Variants in AGBL4 observed in about 807,000 individuals in gnomAD.
AGBL4 encodes cytosolic carboxypeptidase 6.
In AGBL4, 58 loss-of-function variants were observed where a neutral mutation model predicts 66.4. That is an observed-to-expected ratio of 0.87 (90% CI 0.71 to 1.09). AGBL4 has a LOEUF of 1.09. AGBL4 is among the 50% of genes least tolerant of loss of function. The pLI, the probability that AGBL4 is intolerant of heterozygous loss-of-function variation, is 0.00. For synonymous variants in AGBL4, 234 were observed against 222.9 expected (o/e 1.05, Z -0.44); for missense variants, 579 against 631.0 (o/e 0.92, Z 0.88).
intron 2 of AGBL4, among the ~76,000 whole-genome samples, chr1:49,709,987 T>G (rs1647518764): frequency 1.3e-5 from 2 of 152,188 alleles, no homozygotes; most frequent in African/African-American, 2.4e-5. Flanking sequence ...TTTACACTGT[T>G]GGTGGGAGTG....
intron 11 of AGBL4, among the ~76,000 whole-genome samples, chr1:48,574,301 C>T (rs921288117): frequency 4.6e-5 from 7 of 152,086 alleles, no homozygotes; most frequent in South Asian, 2.1e-4. Context: ...GCTTAGGATA[C>T]GAACACAGAG....
intron 6 of AGBL4, among the ~76,000 whole-genome samples, chr1:48,750,433 A>G (rs1424976799): frequency 6.6e-6 from 1 of 152,150 alleles, no homozygotes; most frequent in East Asian, 1.9e-4. Flanking sequence ...TGCCTGAGAT[A>G]GTTCCTTAAC....
At chr1:49,554,390 G>A (rs1221068786) in intron 3 of AGBL4, among the ~76,000 whole-genome samples, 1 of 151,914 alleles carries the variant, frequency 6.6e-6, no homozygotes, top group African/African-American at 2.4e-5. Context: ...TTTTTATACT[G>A]AGCACAGATA....
At chr1:49,735,334 T>TAG (rs1553254326) in intron 2 of AGBL4, among the ~76,000 whole-genome samples, 10 of 138,986 alleles carry the variant, frequency 7.2e-5, no homozygotes, top group Admixed American at 1.5e-4. Flanking sequence ...TGTGTGTGTG[T>TAG]AGAGAGAGAG....
chr1:49,230,575 T>G (rs1650235605), intron 4 of AGBL4, among the ~76,000 whole-genome samples: 1 of 152,214 alleles, frequency 6.6e-6, no homozygotes, highest in Admixed American at 6.5e-5. Flanking sequence ...TGGCTTTATC[T>G]TCCTCAATTC....
intron 3 of AGBL4, among the ~76,000 whole-genome samples, chr1:49,683,735 C>T (rs1372677652): frequency 6.6e-6 from 1 of 152,030 alleles, no homozygotes; most frequent in Non-Finnish European, 1.5e-5. Flanking sequence ...AATGAGGAAA[C>T]GACATGAATA....
At chr1:49,831,095 T>A (rs932724558) in intron 2 of AGBL4, among the ~76,000 whole-genome samples, 1 of 152,234 alleles carries the variant, frequency 6.6e-6, no homozygotes, top group African/African-American at 2.4e-5. Flanking sequence ...ATGCAGACTT[T>A]TTTTTGGTTC....
rs376132991 is a variant in AGBL4, at chr1:48,758,967, A to G, written c.635-95726T>C. The G allele has an allele frequency of 3.1e-6, 5 of 1,606,638 alleles. No homozygotes were observed. The African/African-American group carries it at 6.7e-5, about 22-fold the overall frequency. ...TAAGGTCACGGAGCTCCTTCATTTC[A>G]GACACAAGTGCCCCGTACTCCTTGA... On this transcript the variant is annotated intron_variant, in intron 6 of 13. Coordinates refer to ENST00000371839, the MANE Select transcript of AGBL4 (RefSeq NM_032785.4).
In AGBL4 at chr1:48,867,117, G is replaced by A. The variant is rs533853406; in HGVS notation, c.634+74C>T. 23 of 1,516,040 alleles carry A rather than the reference G, an allele frequency of 1.5e-5. No individual in the cohort carries two copies. The African/African-American group carries it at 3.0e-4, about 20-fold the overall frequency. The allele number at this position is 1,516,040 out of a possible 1,614,324, so 93.9% of individuals were successfully genotyped here. A position where few individuals can be genotyped will look rare whatever the true frequency, so the allele number is the denominator to read the frequency against. ...GAGCCAAAAGAGAAGGGCAAGAATT[G>A]CATTTGGATAGGCAACAAGGCATCA... On this transcript the variant is annotated intron_variant, in intron 6 of 13. Coordinates refer to ENST00000371839, the MANE Select transcript of AGBL4 (RefSeq NM_032785.4).
intron 3 of AGBL4, among the ~76,000 whole-genome samples, chr1:49,657,090 T>C (rs1422507457): frequency 4.6e-5 from 7 of 152,180 alleles, no homozygotes; most frequent in Non-Finnish European, 8.8e-5. Context: ...GATGACATGA[T>C]TGTATATCTA....
rs1324055422 is a variant in AGBL4 at position 48,653,374 on chromosome 1, T to C, written c.802A>G (p.Met268Val). Residue 268 changes from methionine to valine, a missense_variant, in exon 8 of 14, where the codon ATG (methionine) becomes GTG (valine). Met to Val is a conservative substitution (Grantham distance 21). Transcript: ENST00000371839. ...REYLVFKIAPMLNPDGVYLGN... is the reference protein window; with the variant it reads ...REYLVFKIAPVLNPDGVYLGN... The stretch of plus-strand genomic sequence containing the variant: ...AGGTAGACTCCATCAGGATTGAGCA[T>C]TGGTGCGATCTTGAAGACCAGGTAT... 1 of 1,586,706 alleles carries C rather than the reference T, an allele frequency of 6.3e-7. No individual in the cohort carries two copies. The highest frequency in any genetic ancestry group is 8.6e-7 in the Non-Finnish European group (1 of 1,165,762).
intron 5 of AGBL4, among the ~76,000 whole-genome samples, chr1:49,012,353 G>A (rs1202117405): frequency 1.3e-5 from 2 of 152,242 alleles, no homozygotes. Flanking sequence ...GAGAGACAAA[G>A]ACCAAAAAAC....
chr1:49,302,613 ATTTTATTTTATT>A (rs1557821868), intron 3 of AGBL4, among the ~76,000 whole-genome samples: 2 of 74,086 alleles, frequency 2.7e-5, no homozygotes, highest in African/African-American at 2.4e-4. Context: ...TTATTTTTTT[ATTTTATTTTATT>A]TTATTTTATT....
intron 4 of AGBL4, among the ~76,000 whole-genome samples, chr1:49,121,531 A>C (rs1263826517): frequency 6.6e-6 from 1 of 152,170 alleles, no homozygotes; most frequent in East Asian, 1.9e-4. Context: ...TATCATCAGC[A>C]GAGGCTGCAG....
chr1:48,805,403 G>A (rs182080602), intron 6 of AGBL4, among the ~76,000 whole-genome samples: 193 of 152,290 alleles, frequency 1.3e-3, no homozygotes, highest in Non-Finnish European at 2.0e-3. Context: ...AGCATGCAAG[G>A]TAGAATAGCT....
At chr1:49,938,140 G>A (rs545557829) in intron 1 of AGBL4, among the ~76,000 whole-genome samples, 6 of 150,558 alleles carry the variant, frequency 4.0e-5, no homozygotes, top group Admixed American at 1.3e-4. Context: ...TCAAATAGAT[G>A]CAATAAAAAA....
At chr1:48,795,463 G>C (rs1029409500) in intron 6 of AGBL4, among the ~76,000 whole-genome samples, 2 of 150,706 alleles carry the variant, frequency 1.3e-5, no homozygotes, top group Admixed American at 1.3e-4. Flanking sequence ...TAGATAATTA[G>C]AGATTTACAT....
intron 4 of AGBL4, among the ~76,000 whole-genome samples, chr1:49,070,220 T>G (rs1350556273): frequency 1.3e-5 from 2 of 151,978 alleles, no homozygotes; most frequent in African/African-American, 4.9e-5. Flanking sequence ...GAATACCCTT[T>G]ATTTCTTTCT....
chr1:49,807,283 T>G (rs189843913), intron 2 of AGBL4, among the ~76,000 whole-genome samples: 1 of 152,164 alleles, frequency 6.6e-6, no homozygotes, highest in Non-Finnish European at 1.5e-5. Flanking sequence ...ACCCAGAGCT[T>G]TGGGGACTCA....
Sources: allele counts gnomAD v4.1 joint callset (sites outside exome capture counted in the v4.1 genomes callset), GRCh38; gene constraint gnomAD v4.1.1; transcripts MANE v1.5; gene names NCBI Gene and HGNC (gene_info 2026-07-23, HGNC 2026-07-21).